The following MEIOB variants were observed in gnomAD, a reference collection of about 807,000 sequenced individuals.
MEIOB encodes the protein meiosis-specific with OB domain-containing protein.
A neutral mutation model predicts 53.1 loss-of-function variants in MEIOB; 50 were observed. The observed-to-expected ratio is 0.94, with a 90% confidence interval of 0.75 to 1.19. MEIOB has a LOEUF of 1.19. Among genes scored for constraint, MEIOB ranks in the 50% most tolerant of loss-of-function variants. The pLI, the probability that MEIOB is intolerant of heterozygous loss-of-function variation, is 0.00. For missense variants in MEIOB, 551 were observed against 550.8 expected (o/e 1.00, Z 0.00); for synonymous variants, 192 against 182.5 (o/e 1.05, Z -0.42).
intron 4 of MEIOB, among the ~76,000 whole-genome samples, chr16:1,861,143 A>G (rs1222942349): frequency 6.6e-6 from 1 of 152,182 alleles, no homozygotes; most frequent in African/African-American, 2.4e-5. Context: ...GATGTAAGTC[A>G]ATGTTGGAAC....
intron 2 of MEIOB, among the ~76,000 whole-genome samples, chr16:1,867,754 G>T (rs1899632092): frequency 6.6e-6 from 1 of 152,096 alleles, no homozygotes; most frequent in South Asian, 2.1e-4. Flanking sequence ...TTACAGACAT[G>T]AGCCACTGTG....
chr16:1,843,045 A>G (rs547997441), intron 10 of MEIOB, among the ~76,000 whole-genome samples: 3 of 150,056 alleles, frequency 2.0e-5, no homozygotes, highest in African/African-American at 7.3e-5. Context: ...CTGTAATCCT[A>G]GCACTTTGGG....
chr16:1,841,771 A>G, intron 11 of MEIOB, 49 bp downstream of exon 11: 2 of 1,358,516 alleles, frequency 1.5e-6, no homozygotes, highest in Non-Finnish European at 9.8e-7. Context: ...TATTAACAAT[A>G]ATTATTTCTT....
At chr16:1,869,351 C>T (rs542206718) in intron 1 of MEIOB, among the ~76,000 whole-genome samples, 51 of 152,110 alleles carry the variant, frequency 3.4e-4, no homozygotes, top group African/African-American at 1.1e-3. Flanking sequence ...TCTTGAACTC[C>T]TGATCTCAAG....
At chr16:1,855,536 G>A (rs1250690431) in intron 6 of MEIOB, among the ~76,000 whole-genome samples, 1 of 152,190 alleles carries the variant, frequency 6.6e-6, no homozygotes, top group Non-Finnish European at 1.5e-5. Context: ...ACACATGAAA[G>A]GTTCCAGACT....
At chr16:1,869,114 ATT>A (rs1364433135) in intron 1 of MEIOB, among the ~76,000 whole-genome samples, 2 of 151,910 alleles carry the variant, frequency 1.3e-5, no homozygotes, top group African/African-American at 4.8e-5. Flanking sequence ...TTATTTTTTA[ATT>A]TTGTTTTAAC....
chr16:1,868,188 C>A lies in MEIOB; in HGVS notation c.-9-4G>T, dbSNP rs1899642779. On this transcript the variant is annotated splice_region_variant and splice_polypyrimidine_tract_variant and intron_variant, in intron 1 of 13. Transcript: ENST00000325962. ...AGGAGTTTGCCATTTTTTTAATCTG[C>A]ATTTTAGAAAATATAATTTAGATAT... is the stretch of plus-strand genomic sequence containing the variant. 2 of 1,443,130 alleles carry A rather than the reference C, an allele frequency of 1.4e-6. No homozygotes were observed. Among genetic ancestry groups the A allele is most frequent in the South Asian group, 1.3e-5 (1 of 77,508 alleles). 89.4% of individuals were successfully genotyped at this position (1,443,130 alleles called of 1,614,324 possible). A position where few individuals can be genotyped will look rare whatever the true frequency, so the allele number is the denominator to read the frequency against.
chr16:1,858,826 C>A (rs999489226), intron 5 of MEIOB, among the ~76,000 whole-genome samples: 8 of 152,166 alleles, frequency 5.3e-5, no homozygotes, highest in Non-Finnish European at 1.0e-4. Flanking sequence ...ATGGCTCAAA[C>A]TAATATTAAC....
At chr16:1,841,611 G>A (rs961090471) in intron 11 of MEIOB, among the ~76,000 whole-genome samples, 6 of 152,120 alleles carry the variant, frequency 3.9e-5, no homozygotes, top group Non-Finnish European at 7.4e-5. Context: ...TAGAATTATG[G>A]AAATACAGAT....
At chr16:1,864,552 G>C (rs903146222) in intron 3 of MEIOB, among the ~76,000 whole-genome samples, 1 of 147,412 alleles carries the variant, frequency 6.8e-6, no homozygotes, top group East Asian at 2.0e-4. Context: ...GCAATGGCGT[G>C]ATCTTGGCTC....
At position 1,868,103 on chromosome 16, in the gene MEIOB, C is replaced by T. The variant is rs1312079716; in HGVS notation, c.69+4G>A. 2.3e-5 allele frequency: 34 copies of T among 1,472,874 alleles called. No homozygotes were observed. The highest frequency in any genetic ancestry group is 4.2e-5 in the African/African-American group (3 of 71,572). 91.2% of individuals were successfully genotyped at this position (1,472,874 alleles called of 1,614,324 possible). On this transcript the variant is annotated splice_donor_region_variant and intron_variant, in intron 2 of 13. Transcript: ENST00000325962. ...AAGCAAATCACCACATTATTGAAAC[C>T]TACCAGATTAGCCATATTTGTCTGC...
intron 13 of MEIOB, 75 bp downstream of exon 13, chr16:1,837,709 C>G (rs1005220428): frequency 1.3e-6 from 1 of 753,106 alleles, no homozygotes; most frequent in African/African-American, 1.8e-5. Flanking sequence ...TCGAATTTAT[C>G]TAGGTTTTTC....
chr16:1,849,400 G>T lies in MEIOB; in HGVS notation c.778+3639C>A, dbSNP rs1410803459. ...TCTACTAAAAAATACAAAAAAATTA[G>T]CTGGGTGTGGTGGCGGGCACCTGTC... On this transcript the variant is annotated intron_variant, in intron 9 of 13. Transcript: ENST00000325962. Among the ~76,000 whole-genome samples the T allele has an allele frequency of 2.6e-5, 4 of 152,050 alleles. 1 individual carries two copies. The highest frequency in any genetic ancestry group is 7.2e-5 in the African/African-American group (3 of 41,410).
At chr16:1,839,177 C>A in intron 12 of MEIOB, 78 bp downstream of exon 12, 1 of 1,436,664 alleles carries the variant, frequency 7.0e-7, no homozygotes, top group South Asian at 1.6e-5. Flanking sequence ...AAATGTTTGA[C>A]AAAACAACCT....
intron 9 of MEIOB, among the ~76,000 whole-genome samples, chr16:1,850,677 T>G (rs1370562555): frequency 6.6e-6 from 1 of 152,048 alleles, no homozygotes; most frequent in Non-Finnish European, 1.5e-5. Flanking sequence ...TCCCAGCACT[T>G]TGGGAGGCTG....
intron 9 of MEIOB, among the ~76,000 whole-genome samples, chr16:1,851,307 C>T (rs993850442): frequency 6.6e-6 from 1 of 152,234 alleles, no homozygotes; most frequent in Non-Finnish European, 1.5e-5. Context: ...TTGGTTATCC[C>T]TTTAGCCTCC....
At chr16:1,862,470 G>C (rs966861323) in intron 3 of MEIOB, among the ~76,000 whole-genome samples, 9 of 152,122 alleles carry the variant, frequency 5.9e-5, no homozygotes, top group African/African-American at 2.2e-4. Flanking sequence ...TTCAACCTAA[G>C]TCATAATTCA....
chr16:1,848,836 G>A (rs57938885), intron 9 of MEIOB, among the ~76,000 whole-genome samples: 26,635 of 151,836 alleles, frequency 0.18, 2,483 homozygotes, highest in South Asian at 0.26. Context: ...GAGCCACTGC[G>A]CCTGGCCGGC....
intron 1 of MEIOB, among the ~76,000 whole-genome samples, chr16:1,869,376 C>T (rs962583708): frequency 6.6e-6 from 1 of 152,154 alleles, no homozygotes; most frequent in African/African-American, 2.4e-5. Context: ...CCGGCCGCCC[C>T]CAAAGTGCTG....
Sources: gnomAD v4.1 joint callset for allele counts (sites outside exome capture counted in the v4.1 genomes callset) on GRCh38, gnomAD v4.1.1 for gene constraint, MANE v1.5 for transcripts, NCBI Gene and HGNC (gene_info 2026-07-23, HGNC 2026-07-21) for gene names.